Variants in RYR2 observed in about 807,000 individuals in gnomAD.
RYR2 encodes cardiac muscle ryanodine receptor-calcium release channel.
Under a neutral mutation model 601.1 loss-of-function variants are expected in RYR2, and 227 were observed. That is an observed-to-expected ratio of 0.38 (90% CI 0.34 to 0.42). The LOEUF (loss-of-function observed/expected upper bound fraction) is 0.42, where lower values mean the gene tolerates loss of function less well. Among genes scored for constraint, RYR2 ranks in the 10% least tolerant of loss-of-function variants. The pLI is 1.00. For missense variants in RYR2, 4,646 were observed against 6,156.5 expected (o/e 0.75, Z 8.21); for synonymous variants, 2,223 against 2,175.1 (o/e 1.02, Z -0.61).
Position 237,641,020 on chromosome 1 carries a change from C to G in RYR2, c.7221+18C>G. ...AGATGCATGTGAGTTTCTGGGAGTT[C>G]AGGAGCAGCAATCCTGATTTCTCTG... On this transcript the variant is annotated intron_variant, in intron 47 of 104. Transcript: ENST00000366574. 6.3e-7 allele frequency: 1 copy of G among 1,575,450 alleles called. No individual in the cohort carries two copies. Among genetic ancestry groups the G allele is most frequent in the Non-Finnish European group, 8.7e-7 (1 of 1,151,546 alleles).
intron 16 of RYR2, among the ~76,000 whole-genome samples, chr1:237,464,150 C>T (rs1189200538): frequency 6.6e-6 from 1 of 152,140 alleles, no homozygotes; most frequent in South Asian, 2.1e-4. Flanking sequence ...CCTATTCCCT[C>T]CTCTCCTTGA....
chr1:237,828,657 G>T lies in RYR2; in HGVS notation c.14655+212G>T, dbSNP rs188874167. Among the ~76,000 whole-genome samples, 20 of 152,268 alleles carry T rather than the reference G, an allele frequency of 1.3e-4. No homozygotes were observed. In the South Asian group the frequency reaches 4.2e-3, roughly 32 times the overall value. On this transcript the variant is annotated intron_variant, in intron 102 of 104. Transcript: ENST00000366574. Reference sequence around the variant, plus strand: ...TGGACGCCACATGCATGCAAACAGCGATAGGACACCATCCTTTCCCTCCAG... The same window carrying T: ...TGGACGCCACATGCATGCAAACAGCTATAGGACACCATCCTTTCCCTCCAG...
chr1:237,627,694 G>A (rs1679823775), intron 40 of RYR2, 113 bp from the exon 41 acceptor site: 1 of 1,110,836 alleles, frequency 9.0e-7, no homozygotes, highest in Non-Finnish European at 1.2e-6. Flanking sequence ...GCCTTTTCAA[G>A]CCTGGTACAA....
intron 1 of RYR2, among the ~76,000 whole-genome samples, chr1:237,205,109 C>T (rs970321996): frequency 6.6e-6 from 1 of 152,204 alleles, no homozygotes; most frequent in Non-Finnish European, 1.5e-5. Context: ...TCCCCCAAGG[C>T]ACTGCATAAG....
chr1:237,595,727 GTT>G, intron 34 of RYR2, 70 bp downstream of exon 34: 1 of 1,517,990 alleles, frequency 6.6e-7, no homozygotes, highest in Non-Finnish European at 8.8e-7. Context: ...GGAAAACACA[GTT>G]TGTAAGATCA....
chr1:237,332,732 C>G (rs148740180), intron 3 of RYR2, among the ~76,000 whole-genome samples: 1 of 152,040 alleles, frequency 6.6e-6, no homozygotes, highest in Non-Finnish European at 1.5e-5. Context: ...TGTTAAGTTG[C>G]GTTTTTTAAA....
chr1:237,262,272 T>A (rs1013484616), intron 1 of RYR2, among the ~76,000 whole-genome samples: 19 of 129,532 alleles, frequency 1.5e-4, no homozygotes, highest in African/African-American at 5.5e-4. Context: ...TTTTTTTTTT[T>A]ATGATGGAGT....
chr1:237,454,449 T>A lies in RYR2; in HGVS notation c.1351T>A (p.Ser451Thr), dbSNP rs1249371327. ...TTCCACAGTCGATTTGCCTATAGAGTCCGTAAGCCTAAGTCTGCAGGATCT... is the reference window on the plus strand; with the variant it reads ...TTCCACAGTCGATTTGCCTATAGAGACCGTAAGCCTAAGTCTGCAGGATCT... ...KASTVDLPIE[S>T]VSLSLQDLIG... The change falls in exon 15 of 105, where the codon TCC becomes ACC. Residue 451 changes from serine (S) to threonine (T), a missense_variant. Physicochemically the swap from Ser to Thr is moderately conservative, Grantham distance 58. Transcript: ENST00000366574. 1 of 1,613,414 alleles carries A rather than the reference T, an allele frequency of 6.2e-7. No individual in the cohort carries two copies. Among genetic ancestry groups the A allele is most frequent in the Non-Finnish European group, 8.5e-7 (1 of 1,179,642 alleles).
chr1:237,549,897 T>C lies in RYR2; in HGVS notation c.3067-647T>C, dbSNP rs562131825. On this transcript the variant is annotated intron_variant, in intron 26 of 104. Coordinates refer to ENST00000366574, the MANE Select transcript of RYR2 (RefSeq NM_001035.3). ...TGTACTCTAATATTAAGCATCCTTT[T>C]GCCAAGATAGTAAGATAGCCTGTTC... Among the ~76,000 whole-genome samples, 21 of 152,290 alleles carry C rather than the reference T, an allele frequency of 1.4e-4. No homozygotes were observed. The South Asian group carries it at 3.9e-3, about 29-fold the overall frequency.
intron 10 of RYR2, among the ~76,000 whole-genome samples, chr1:237,411,004 A>G (rs1344148389): frequency 6.6e-6 from 1 of 152,222 alleles, no homozygotes; most frequent in Non-Finnish European, 1.5e-5. Context: ...GTCATTTGCA[A>G]CAACATGGAT....
chr1:237,493,701 C>G (rs1663696202), intron 19 of RYR2, among the ~76,000 whole-genome samples: 1 of 152,208 alleles, frequency 6.6e-6, no homozygotes, highest in Admixed American at 6.5e-5. Flanking sequence ...ATCTGCCCGC[C>G]TTGGCCTCCC....
intron 1 of RYR2, among the ~76,000 whole-genome samples, chr1:237,066,735 G>A (rs372699290): frequency 1.3e-5 from 2 of 151,774 alleles, no homozygotes; most frequent in African/African-American, 4.8e-5. Flanking sequence ...TCCACCTCCC[G>A]GGTTCATGCC....
intron 1 of RYR2, among the ~76,000 whole-genome samples, chr1:237,130,825 A>T (rs1184538168): frequency 6.6e-6 from 1 of 152,182 alleles, no homozygotes; most frequent in Non-Finnish European, 1.5e-5. Context: ...TATGCCTCAA[A>T]TTATTTATAT....
Position 237,627,983 on chromosome 1 carries a change from G to C in RYR2, c.6343G>C (p.Asp2115His). The C allele has an allele frequency of 6.2e-7, 1 of 1,613,934 alleles. No individual in the cohort carries two copies. The highest frequency in any genetic ancestry group is 8.5e-7 in the Non-Finnish European group (1 of 1,179,876). The stretch of plus-strand genomic sequence containing the variant: ...CACGATAAATGGTGTGTCCGTGGAG[G>C]ACACCATCAACCTGCTGGCATCCCT... ...TYTINGVSVEDTINLLASLGQ... is the reference protein window; with the variant it reads ...TYTINGVSVEHTINLLASLGQ... Residue 2115 changes from aspartate (D) to histidine (H), a missense_variant, in exon 41 of 105, where the codon GAC (aspartate) becomes CAC (histidine). Around this residue, in one of 17 missense-constraint regions of RYR2, gnomAD observed 170 missense variants for 184.5 expected, o/e 0.92. Coordinates refer to ENST00000366574, the MANE Select transcript of RYR2 (RefSeq NM_001035.3).
At chr1:237,623,433 G>A (rs1182363762) in intron 38 of RYR2, among the ~76,000 whole-genome samples, 9 of 84,374 alleles carry the variant, frequency 1.1e-4, no homozygotes, top group Admixed American at 1.7e-4. Flanking sequence ...CTGTGTCGCC[G>A]CCCAGGCTGG....
chr1:237,340,569 G>C (rs1488192733), intron 3 of RYR2, among the ~76,000 whole-genome samples: 2 of 152,116 alleles, frequency 1.3e-5, no homozygotes, highest in African/African-American at 4.8e-5. Flanking sequence ...GATGCTACTA[G>C]CTATTTATAT....
chr1:237,832,719 T>A lies in RYR2; in HGVS notation c.*72T>A, dbSNP rs1397417888. On this transcript the variant is annotated 3_prime_UTR_variant, in exon 105 of 105. Transcript: ENST00000366574. ...TCCCTCTCTCAATTTCTCTGCTCTC[T>A]TGGAAACATTTTGCTGATTTTGTGA... The A allele has an allele frequency of 1.2e-6, 1 of 847,262 alleles. No individual in the cohort carries two copies. Among genetic ancestry groups the A allele is most frequent in the Non-Finnish European group, 1.9e-6 (1 of 531,134 alleles). The allele number at this position is 847,262 out of a possible 1,614,324, so 52.5% of individuals were successfully genotyped here.
At chr1:237,785,930 G>A (rs796567527) in intron 90 of RYR2, 39 bp from the exon 91 acceptor site, 5 of 1,390,166 alleles carry the variant, frequency 3.6e-6, no homozygotes, top group Non-Finnish European at 5.1e-6. Flanking sequence ...AAAGGTGATG[G>A]GTAATCCTGG....
At chr1:237,373,734 G>A (rs748444239) in intron 6 of RYR2, among the ~76,000 whole-genome samples, 13 of 152,198 alleles carry the variant, frequency 8.5e-5, no homozygotes, top group Non-Finnish European at 1.5e-4. Flanking sequence ...TGTTGCAAGA[G>A]TGATTACTCC....
Sources: gnomAD v4.1 joint callset for allele counts (sites outside exome capture counted in the v4.1 genomes callset) on GRCh38, gnomAD v4.1.1 for gene constraint, gnomAD v4.1.1 regional missense constraint, MANE v1.5 for transcripts, NCBI Gene and HGNC (gene_info 2026-07-23, HGNC 2026-07-21) for gene names.